SLC20A2: variants seen among roughly 807,000 people sequenced by gnomAD.
SLC20A2 encodes the protein sodium-dependent phosphate transporter 2.
SLC20A2 carries 30 observed loss-of-function variants against 61.0 expected under a neutral mutation model. That is an observed-to-expected ratio of 0.49 (90% CI 0.37 to 0.67). SLC20A2 has a LOEUF of 0.67. Ranked by LOEUF, SLC20A2 falls within the 30% of genes least tolerant of loss-of-function variation. SLC20A2 has a pLI of 0.00. For synonymous variants in SLC20A2, 351 were observed against 353.3 expected (o/e 0.99, Z 0.07); for missense variants, 626 against 866.4 (o/e 0.72, Z 3.48).
chr8:42,529,652 G>A (rs1205183436), intron 1 of SLC20A2, among the ~76,000 whole-genome samples: 2 of 152,194 alleles, frequency 1.3e-5, no homozygotes, highest in Non-Finnish European at 2.9e-5. Flanking sequence ...CAATGCCTCA[G>A]ACATTTCTGC....
At chr8:42,429,985 C>T (rs1346166198) in intron 9 of SLC20A2, 79 bp downstream of exon 9, 17 of 1,290,860 alleles carry the variant, frequency 1.3e-5, no homozygotes, top group Admixed American at 5.1e-5. Flanking sequence ...CTGAGCAGGC[C>T]GTTCAGACAC....
chr8:42,465,359 T>C (rs1315072229), intron 3 of SLC20A2, among the ~76,000 whole-genome samples: 1 of 151,608 alleles, frequency 6.6e-6, no homozygotes, highest in Non-Finnish European at 1.5e-5. Context: ...GTCTGGCCCA[T>C]CTAGGTCTTT....
chr8:42,479,627 A>G (rs1808406556), intron 1 of SLC20A2, among the ~76,000 whole-genome samples: 1 of 152,154 alleles, frequency 6.6e-6, no homozygotes, highest in Admixed American at 6.5e-5. Flanking sequence ...GGAGTTCAAG[A>G]CCAGACTGGC....
At chr8:42,481,030 C>T (rs1344140320) in intron 1 of SLC20A2, among the ~76,000 whole-genome samples, 1 of 152,152 alleles carries the variant, frequency 6.6e-6, no homozygotes, top group Non-Finnish European at 1.5e-5. Context: ...CTTCCCTCAT[C>T]TTCCTTATCC....
At chr8:42,535,048 T>C (rs1812617298) in intron 1 of SLC20A2, 1 of 152,244 alleles carries the variant, frequency 6.6e-6, no homozygotes, top group Non-Finnish European at 1.5e-5. Flanking sequence ...CAGAACTTTC[T>C]TCTTCAGCTG....
At chr8:42,540,326 C>T (rs1813017621) in intron 1 of SLC20A2, among the ~76,000 whole-genome samples, 2 of 152,150 alleles carry the variant, frequency 1.3e-5, no homozygotes, top group Non-Finnish European at 2.9e-5. Context: ...GTACACGTTT[C>T]ACATTTGGAC....
At chr8:42,534,527 G>A (rs190926354) in intron 1 of SLC20A2, 1 of 152,226 alleles carries the variant, frequency 6.6e-6, no homozygotes, top group East Asian at 1.9e-4. Context: ...AAAGAGTAAT[G>A]CTGGAAAGAA....
intron 6 of SLC20A2, among the ~76,000 whole-genome samples, chr8:42,443,420 A>G (rs1191964055): frequency 3.3e-5 from 5 of 150,754 alleles, no homozygotes; most frequent in African/African-American, 9.7e-5. Context: ...GGTTCAAGCA[A>G]TTCTCCTGTC....
intron 1 of SLC20A2, among the ~76,000 whole-genome samples, chr8:42,491,421 C>T (rs975151875): frequency 6.6e-6 from 1 of 151,894 alleles, no homozygotes; most frequent in African/African-American, 2.4e-5. Context: ...AGGAGAATCG[C>T]TTAAACCAGG....
chr8:42,452,260 G>A (rs1350691912), intron 5 of SLC20A2, among the ~76,000 whole-genome samples: 4 of 148,652 alleles, frequency 2.7e-5, no homozygotes, highest in Non-Finnish European at 6.0e-5. Context: ...GGAGGAGGAA[G>A]AGATAGAGGA....
intron 5 of SLC20A2, among the ~76,000 whole-genome samples, chr8:42,445,184 C>T (rs149540384): frequency 2.5e-4 from 38 of 152,042 alleles, no homozygotes; most frequent in African/African-American, 7.7e-4. Flanking sequence ...CCCAGCTACT[C>T]GGGAGGCTGA....
chr8:42,527,517 C>T (rs1008306745), intron 1 of SLC20A2, among the ~76,000 whole-genome samples: 2 of 152,112 alleles, frequency 1.3e-5, no homozygotes, highest in African/African-American at 4.8e-5. Flanking sequence ...GTGGCTCACA[C>T]CTGTAACCCT....
intron 6 of SLC20A2, among the ~76,000 whole-genome samples, chr8:42,440,995 T>TG (rs1367717949): frequency 6.6e-5 from 10 of 152,170 alleles, no homozygotes; most frequent in African/African-American, 2.2e-4. Context: ...GAGACGGGGT[T>TG]TCACCATGTT....
At chr8:42,492,980 C>T (rs936324454) in intron 1 of SLC20A2, among the ~76,000 whole-genome samples, 1 of 152,206 alleles carries the variant, frequency 6.6e-6, no homozygotes, top group African/African-American at 2.4e-5. Context: ...CACGCCCAGC[C>T]TTGGTTTTCG....
At chr8:42,467,713 T>C (rs370575147) in intron 2 of SLC20A2, among the ~76,000 whole-genome samples, 1 of 152,120 alleles carries the variant, frequency 6.6e-6, no homozygotes, top group Admixed American at 6.6e-5. Flanking sequence ...AAGGCGTGCG[T>C]TGGGAGGAGA....
chr8:42,538,421 G>A (rs1812845816), intron 1 of SLC20A2: 2 of 152,232 alleles, frequency 1.3e-5, no homozygotes, highest in South Asian at 4.1e-4. Context: ...AAGATTCACT[G>A]TCACAGAGTG....
Position 42,430,161 on chromosome 8 carries a change from A to G in SLC20A2, c.1612T>C (p.Phe538Leu). Residue 538 changes from phenylalanine (F) to leucine (L), a missense_variant, in exon 9 of 11, where the codon TTT becomes CTT. Physicochemically the swap from Phe to Leu is conservative, Grantham distance 22 (BLOSUM62 0). Around this residue, in one of 3 missense-constraint regions of SLC20A2, gnomAD observed 138 missense variants for 228.7 expected, o/e 0.60. Transcript: ENST00000520262. ...GTGCAGATTCCAACTCCTCCATAAA[A>G]CAGCAGCCAGACGGGTGTAGCTGCT... Reference protein sequence around the residue: ...QEAATPVWLLFYGGVGICTGL... With the variant: ...QEAATPVWLLLYGGVGICTGL... 6.2e-7 allele frequency: 1 copy of G among 1,613,908 alleles called. No homozygotes were observed. The highest frequency in any genetic ancestry group is 1.7e-5 in the Admixed American group (1 of 59,990).
chr8:42,476,084 CTTTTTT>C (rs11350697), intron 1 of SLC20A2, among the ~76,000 whole-genome samples: 1 of 42,052 alleles, frequency 2.4e-5, no homozygotes, highest in Non-Finnish European at 4.5e-5. Context: ...TTTACTGTGT[CTTTTTT>C]TTTTTTTTTT....
At chr8:42,527,535 T>C (rs1240092490) in intron 1 of SLC20A2, among the ~76,000 whole-genome samples, 1 of 152,050 alleles carries the variant, frequency 6.6e-6, no homozygotes, top group African/African-American at 2.4e-5. Flanking sequence ...CCTAGCACTT[T>C]GGGGGGCTGA....
Sources: gnomAD v4.1 joint callset for allele counts (sites outside exome capture counted in the v4.1 genomes callset) on GRCh38, gnomAD v4.1.1 for gene constraint, gnomAD v4.1.1 regional missense constraint, MANE v1.5 for transcripts, NCBI Gene and HGNC (gene_info 2026-07-23, HGNC 2026-07-21) for gene names.